The following KCNU1 variants were observed in gnomAD, a reference collection of about 807,000 sequenced individuals.
KCNU1 encodes the protein potassium calcium-activated channel subfamily U member 1.
In KCNU1, 93 loss-of-function variants were observed where a neutral mutation model predicts 126.8. That is an observed-to-expected ratio of 0.73 (90% CI 0.62 to 0.87). The LOEUF is 0.87. KCNU1 is among the 40% of genes least tolerant of loss of function. The pLI is 0.00. For synonymous variants in KCNU1, 523 were observed against 494.2 expected, an observed-to-expected ratio of 1.06 and a Z score of -0.77; for missense variants, 1,330 against 1,367.1, an observed-to-expected ratio of 0.97 and a Z score of 0.43.
chr8:36,803,328 A>G (rs149041038), intron 2 of KCNU1, among the ~76,000 whole-genome samples: 3 of 152,328 alleles, frequency 2.0e-5, no homozygotes, highest in African/African-American at 7.2e-5. Flanking sequence ...GGATGGTTGG[A>G]AACTAGAAAT....
At chr8:36,800,623 T>A (rs1268090812) in intron 2 of KCNU1, among the ~76,000 whole-genome samples, 1 of 152,176 alleles carries the variant, frequency 6.6e-6, no homozygotes, top group African/African-American at 2.4e-5. Context: ...ATGGCTCAGG[T>A]AAAGGGCTTT....
intron 18 of KCNU1, 88 bp downstream of exon 18, chr8:36,845,987 C>T (rs984319266): frequency 3.8e-5 from 29 of 768,176 alleles, no homozygotes; most frequent in Non-Finnish European, 5.7e-5. Flanking sequence ...TCTTAAAAGG[C>T]AATGTCCATT....
At chr8:36,892,179 A>G (rs1198347985) in intron 19 of KCNU1, among the ~76,000 whole-genome samples, 1 of 151,856 alleles carries the variant, frequency 6.6e-6, no homozygotes, top group East Asian at 1.9e-4. Context: ...TTCTGACTGC[A>G]TTATCTCCAT....
intron 22 of KCNU1, 25 bp from the exon 23 acceptor site, chr8:36,918,798 T>G: frequency 7.0e-7 from 1 of 1,425,848 alleles, no homozygotes; most frequent in Non-Finnish European, 9.9e-7. Flanking sequence ...GTGTTTGCAT[T>G]TATCACCTCT....
At chr8:36,877,641 A>G (rs553877654) in intron 19 of KCNU1, among the ~76,000 whole-genome samples, 6 of 152,132 alleles carry the variant, frequency 3.9e-5, no homozygotes, top group Non-Finnish European at 8.8e-5. Flanking sequence ...AAATCAAGCT[A>G]CTGTCTTCTC....
intron 19 of KCNU1, among the ~76,000 whole-genome samples, chr8:36,889,609 A>G (rs186545520): frequency 1.3e-5 from 2 of 152,328 alleles, no homozygotes; most frequent in Admixed American, 1.3e-4. Context: ...AGAATACAAA[A>G]TAAGAACAAT....
chr8:36,896,839 A>G (rs1325904817), intron 19 of KCNU1, among the ~76,000 whole-genome samples: 1 of 152,096 alleles, frequency 6.6e-6, no homozygotes, highest in African/African-American at 2.4e-5. Context: ...TAATCAAGAA[A>G]CTGATCACCA....
At position 36,935,511 on chromosome 8, in the gene KCNU1, A is replaced by G. The variant is rs115067954; in HGVS notation, c.3045-4A>G. The G allele has an allele frequency of 6.3e-7, 1 of 1,582,916 alleles. No homozygotes were observed. The highest frequency in any genetic ancestry group is 1.3e-5 in the African/African-American group (1 of 74,258). On this transcript the variant is annotated splice_polypyrimidine_tract_variant and splice_region_variant and intron_variant, in intron 26 of 26. Coordinates refer to ENST00000399881, the MANE Select transcript of KCNU1 (RefSeq NM_001031836.3). Reference sequence around the variant, plus strand: ...TCAGCATTTATCTTTGACTTGTCTTACAGGTTTGTGATCACCCGGCCAGCC... The same window carrying G: ...TCAGCATTTATCTTTGACTTGTCTTGCAGGTTTGTGATCACCCGGCCAGCC...
chr8:36,819,714 C>T (rs1472487752), intron 10 of KCNU1, among the ~76,000 whole-genome samples: 1 of 151,692 alleles, frequency 6.6e-6, no homozygotes, highest in Non-Finnish European at 1.5e-5. Flanking sequence ...CCTCTAATTT[C>T]CTTCTATCTC....
intron 19 of KCNU1, among the ~76,000 whole-genome samples, chr8:36,881,135 G>A (rs1047255992): frequency 3.2e-4 from 48 of 152,324 alleles, no homozygotes; most frequent in African/African-American, 1.1e-3. Flanking sequence ...ACAAGACCGG[G>A]CAGCCACTAA....
chr8:36,935,538 A>G lies in KCNU1; in HGVS notation c.3068A>G (p.Asn1023Ser). Residue 1023 changes from asparagine to serine, a missense_variant, in exon 27 of 27, where the codon AAT becomes AGT. Coordinates refer to ENST00000399881, the MANE Select transcript of KCNU1 (RefSeq NM_001031836.3). ...AGGTTTGTGATCACCCGGCCAGCCA[A>G]TGAGTTCAAGCTGCTGCCTTCAGAT... ...NKRFVITRPA[N>S]EFKLLPSDLV... is the part of the protein sequence containing the mutation. 6.2e-7 allele frequency: 1 copy of G among 1,604,026 alleles called. No homozygotes were observed. Among genetic ancestry groups the G allele is most frequent in the Non-Finnish European group, 8.5e-7 (1 of 1,173,896 alleles).
At chr8:36,784,696 G>A in intron 1 of KCNU1, 91 bp downstream of exon 1, 1 of 1,040,562 alleles carries the variant, frequency 9.6e-7, no homozygotes, top group East Asian at 2.6e-5. Flanking sequence ...GCTTCATTCA[G>A]TTTTTCAAGC....
chr8:36,910,298 T>C (rs1312459287), intron 21 of KCNU1, among the ~76,000 whole-genome samples: 1 of 152,158 alleles, frequency 6.6e-6, no homozygotes, highest in Admixed American at 6.5e-5. Flanking sequence ...AAGAAGCAAA[T>C]TGCATTTGCT....
rs764869175 is a variant in KCNU1 at position 36,909,448 on chromosome 8, G to C, written c.2244G>C (p.Leu748=). 6.2e-7 allele frequency: 1 copy of C among 1,613,650 alleles called. No homozygotes were observed. The highest frequency in any genetic ancestry group is 8.5e-7 in the Non-Finnish European group (1 of 1,179,590). Residue 748 remains leucine, a synonymous_variant, in exon 21 of 27, where the codon CTG becomes CTC. Transcript: ENST00000399881. ...LRASNYTRKE[L]KDIVFIGSLD... ...CCAGCAACTATACCAGGAAGGAGCT[G>C]AAGGACATAGTGTTCATTGGGTCTC...
intron 18 of KCNU1, among the ~76,000 whole-genome samples, chr8:36,858,167 CA>C (rs1805597723): frequency 1.3e-5 from 1 of 74,990 alleles, no homozygotes; most frequent in Non-Finnish European, 2.4e-5. Context: ...AAGACAATTT[CA>C]AGGATGGCAA....
In KCNU1 at chr8:36,808,771, C is replaced by T; in HGVS notation, c.710C>T (p.Thr237Ile). The change falls in exon 7 of 27, where the codon ACA (threonine) becomes ATA (isoleucine). Residue 237 changes from threonine to isoleucine, a missense_variant. This residue lies in a region of KCNU1 where 29 missense variants were observed against 57.8 expected (regional missense o/e 0.50). Transcript: ENST00000399881. Reference sequence around the variant, plus strand: ...TCAATAATTCTCAGTACCTGGTTCACAGCTGCGGGATTCATTCACCTGGTA... The same window carrying T: ...TCAATAATTCTCAGTACCTGGTTCATAGCTGCGGGATTCATTCACCTGGTA... ...LLSIILSTWF[T>I]AAGFIHLVEN... 1 of 1,611,160 alleles carries T rather than the reference C, an allele frequency of 6.2e-7. No homozygotes were observed. The highest frequency in any genetic ancestry group is 8.5e-7 in the Non-Finnish European group (1 of 1,178,172).
chr8:36,912,701 G>A (rs1272783434), intron 22 of KCNU1, among the ~76,000 whole-genome samples: 1 of 152,072 alleles, frequency 6.6e-6, no homozygotes, highest in East Asian at 1.9e-4. Flanking sequence ...GCAGGGCGCG[G>A]TGGCTCACGC....
chr8:36,889,228 C>G (rs1285196392), intron 19 of KCNU1: 3 of 534,356 alleles, frequency 5.6e-6, no homozygotes, highest in Non-Finnish European at 1.2e-5. Context: ...GGCATGGTTG[C>G]TCTGCTGAAC....
intron 18 of KCNU1, among the ~76,000 whole-genome samples, chr8:36,852,013 T>C (rs1400525336): frequency 2.6e-5 from 4 of 152,202 alleles, no homozygotes; most frequent in Non-Finnish European, 5.9e-5. Context: ...GCTGTGAATT[T>C]TTCATAGATG....
Sources: allele counts gnomAD v4.1 joint callset (sites outside exome capture counted in the v4.1 genomes callset), GRCh38; gene constraint gnomAD v4.1.1; regional missense constraint gnomAD v4.1.1; transcripts MANE v1.5; gene names NCBI Gene and HGNC (gene_info 2026-07-23, HGNC 2026-07-21).